Variants in MDGA2 observed in about 807,000 individuals in gnomAD.
MDGA2 encodes MAM domain containing glycosylphosphatidylinositol anchor 2, also known as MAM domain-containing glycosylphosphatidylinositol anchor protein 2.
A neutral mutation model predicts 117.8 loss-of-function variants in MDGA2; 40 were observed. That is an observed-to-expected ratio of 0.34 (90% CI 0.26 to 0.44). The LOEUF (loss-of-function observed/expected upper bound fraction) is 0.44, where lower values mean the gene tolerates loss of function less well. Among genes scored for constraint, MDGA2 ranks in the 20% least tolerant of loss-of-function variants. The pLI, the probability that MDGA2 is intolerant of heterozygous loss-of-function variation, is 1.00. For synonymous variants in MDGA2, 452 were observed against 439.0 expected (o/e 1.03, Z -0.37); for missense variants, 1,123 against 1,250.6 (o/e 0.90, Z 1.54).
chr14:47,422,452 C>T (rs1324711173), intron 1 of MDGA2, among the ~76,000 whole-genome samples: 1 of 152,004 alleles, frequency 6.6e-6, no homozygotes, highest in East Asian at 1.9e-4. Context: ...AACATGTCTT[C>T]CAAAGAATGA....
At chr14:46,896,740 G>A (rs1174717833) in intron 10 of MDGA2, among the ~76,000 whole-genome samples, 1 of 151,996 alleles carries the variant, frequency 6.6e-6, no homozygotes, top group Non-Finnish European at 1.5e-5. Flanking sequence ...TTGTATTTTA[G>A]TGATTTTATG....
rs202175342 is a variant in MDGA2 at position 47,144,167 on chromosome 14, G to C, written c.703C>G (p.Pro235Ala). ...FLRCVANSNP[P>A]VRYSWRRGQE... ...CCACGTCTCCAGCTATACCGAACAG[G>C]AGGATTGGAATTGGCAACACACCGG... The change falls in exon 4 of 17, where the codon CCT becomes GCT. Residue 235 changes from proline (P) to alanine (A), a missense_variant. By Grantham distance (27) the Pro-to-Ala change is conservative. Around this residue, in one of 2 missense-constraint regions of MDGA2, gnomAD observed 890 missense variants for 1,050.3 expected, o/e 0.85. Transcript: ENST00000399232. 71 of 1,551,278 alleles carry C rather than the reference G, an allele frequency of 4.6e-5. No homozygotes were observed. The highest frequency in any genetic ancestry group is 7.0e-6 in the Non-Finnish European group (8 of 1,146,816).
At chr14:47,172,863 G>A (rs963375073) in intron 3 of MDGA2, among the ~76,000 whole-genome samples, 2 of 152,146 alleles carry the variant, frequency 1.3e-5, no homozygotes, top group African/African-American at 4.8e-5. Flanking sequence ...GCTACAGGAG[G>A]AAATTCAAAC....
chr14:47,294,520 G>A (rs1293545497), intron 2 of MDGA2, among the ~76,000 whole-genome samples: 1 of 151,926 alleles, frequency 6.6e-6, no homozygotes, highest in East Asian at 1.9e-4. Flanking sequence ...ACATGATATA[G>A]CAGACAGATT....
intron 1 of MDGA2, among the ~76,000 whole-genome samples, chr14:47,419,532 T>C (rs559345932): frequency 6.6e-6 from 1 of 152,206 alleles, no homozygotes; most frequent in African/African-American, 2.4e-5. Flanking sequence ...ATAAACTTGA[T>C]TTATTATGTT....
chr14:47,472,531 G>GCAGA (rs1317004336), intron 1 of MDGA2, among the ~76,000 whole-genome samples: 1 of 152,168 alleles, frequency 6.6e-6, no homozygotes, highest in Non-Finnish European at 1.5e-5. Context: ...GGGACCACAA[G>GCAGA]CAGACCTTGT....
intron 2 of MDGA2, among the ~76,000 whole-genome samples, chr14:47,284,540 C>T (rs1888606343): frequency 6.6e-6 from 1 of 152,094 alleles, no homozygotes; most frequent in African/African-American, 2.4e-5. Flanking sequence ...TGCTTGTCAA[C>T]CTGATACTAT....
intron 8 of MDGA2, among the ~76,000 whole-genome samples, chr14:46,994,161 G>T (rs1021210671): frequency 2.6e-5 from 4 of 152,116 alleles, no homozygotes; most frequent in African/African-American, 9.7e-5. Context: ...TGCGCATATT[G>T]TCACAAATCA....
At chr14:47,450,579 A>G (rs1042522019) in intron 1 of MDGA2, among the ~76,000 whole-genome samples, 2 of 152,150 alleles carry the variant, frequency 1.3e-5, no homozygotes, top group East Asian at 1.9e-4. Context: ...TTTTTCATCA[A>G]CTGTCATTTT....
Position 47,508,352 on chromosome 14 carries a change from A to ACTCTCTCTCTCTCTCTCTCT in MDGA2, c.280+166145_280+166164dup, listed in dbSNP as rs3039658. Among the ~76,000 whole-genome samples, 592 of 132,790 alleles carry ACTCTCTCTCTCTCTCTCTCT rather than the reference A, an allele frequency of 4.5e-3. 9 individuals are homozygous for ACTCTCTCTCTCTCTCTCTCT. Among genetic ancestry groups the ACTCTCTCTCTCTCTCTCTCT allele is most frequent in the Non-Finnish European group, 5.7e-3 (359 of 62,984 alleles). The allele number at this position is 132,790 out of a possible 152,430, so 87.1% of individuals were successfully genotyped here. A position where few individuals can be genotyped will look rare whatever the true frequency, so the allele number is the denominator to read the frequency against. On this transcript the variant is annotated intron_variant, in intron 1 of 16. Coordinates refer to ENST00000399232, the MANE Select transcript of MDGA2 (RefSeq NM_001113498.3). ...CACATATTTCCTAATTTGCTGATTG[A>ACTCTCTCTCTCTCTCTCTCT]CTCTCTCTCTCTCTCTCTCTCTCTC...
At chr14:46,908,859 T>C (rs1883595652) in intron 10 of MDGA2, among the ~76,000 whole-genome samples, 1 of 152,174 alleles carries the variant, frequency 6.6e-6, no homozygotes, top group Non-Finnish European at 1.5e-5. Context: ...TTTCCCCAGA[T>C]TGAAGTATAA....
intron 8 of MDGA2, among the ~76,000 whole-genome samples, chr14:47,005,099 C>T (rs1410122093): frequency 6.6e-6 from 1 of 151,154 alleles, no homozygotes; most frequent in African/African-American, 2.4e-5. Context: ...ATGTTTTTTC[C>T]TTGTCTTATT....
At chr14:47,136,693 T>C (rs1411488821) in intron 4 of MDGA2, among the ~76,000 whole-genome samples, 1 of 152,218 alleles carries the variant, frequency 6.6e-6, no homozygotes, top group Non-Finnish European at 1.5e-5. Flanking sequence ...TTCCATTTAA[T>C]GAGATCACTT....
chr14:46,918,945 G>T (rs1326185158), intron 10 of MDGA2, among the ~76,000 whole-genome samples: 1 of 151,774 alleles, frequency 6.6e-6, no homozygotes, highest in Admixed American at 6.6e-5. Context: ...TGTATTTTTA[G>T]TAGAGACGGG....
chr14:47,186,716 T>G (rs1164712793), intron 3 of MDGA2, among the ~76,000 whole-genome samples: 10 of 151,984 alleles, frequency 6.6e-5, no homozygotes, highest in Admixed American at 6.6e-4. Flanking sequence ...TAAACACCAG[T>G]TGACTTTTAA....
intron 3 of MDGA2, among the ~76,000 whole-genome samples, chr14:47,208,121 CT>C (rs1216449260): frequency 4.0e-5 from 6 of 151,856 alleles, no homozygotes; most frequent in Non-Finnish European, 8.8e-5. Flanking sequence ...TTTTAAAGAG[CT>C]TCTTATTTTG....
chr14:47,292,583 G>A (rs866128356), intron 2 of MDGA2, among the ~76,000 whole-genome samples: 32 of 152,272 alleles, frequency 2.1e-4, no homozygotes, highest in Middle Eastern at 6.8e-3. Flanking sequence ...TCCAGTGTAA[G>A]CTGCTATGTA....
At chr14:47,129,098 T>C (rs1440274586) in intron 5 of MDGA2, among the ~76,000 whole-genome samples, 2 of 152,096 alleles carry the variant, frequency 1.3e-5, no homozygotes, top group Admixed American at 1.3e-4. Context: ...GTTTTTTTTT[T>C]TCTTTTATTA....
intron 2 of MDGA2, among the ~76,000 whole-genome samples, chr14:47,286,092 AT>A (rs1888661749): frequency 6.6e-6 from 1 of 151,618 alleles, no homozygotes; most frequent in African/African-American, 2.4e-5. Context: ...ATTCTTTTTA[AT>A]TTTTATGGAT....
Sources: gnomAD v4.1 joint callset for allele counts (sites outside exome capture counted in the v4.1 genomes callset) on GRCh38, gnomAD v4.1.1 for gene constraint, gnomAD v4.1.1 regional missense constraint, MANE v1.5 for transcripts, NCBI Gene and HGNC (gene_info 2026-07-23, HGNC 2026-07-21) for gene names.